The following NEDD4L variants were observed in gnomAD, a reference collection of about 807,000 sequenced individuals.
The protein encoded by NEDD4L is NEDD4 like E3 ubiquitin protein ligase.
A neutral mutation model predicts 148.9 loss-of-function variants in NEDD4L; 54 were observed. The ratio of observed to expected loss-of-function variants is 0.36; its 90% confidence interval spans 0.29 to 0.45. The LOEUF is 0.45. Ranked by LOEUF, NEDD4L falls within the 20% of genes least tolerant of loss-of-function variation. NEDD4L has a pLI of 1.00. For synonymous variants in NEDD4L, 433 were observed against 440.7 expected (o/e 0.98, Z 0.22); for missense variants, 856 against 1,233.8 (o/e 0.69, Z 4.59).
chr18:58,221,670 G>A (rs1425329536), intron 2 of NEDD4L: 2 of 985,376 alleles, frequency 2.0e-6, no homozygotes, highest in Non-Finnish European at 2.4e-6. Flanking sequence ...CAGGGAGCCG[G>A]AGGGTCACCA....
At chr18:58,135,116 AG>A in intron 1 of NEDD4L, among the ~76,000 whole-genome samples, 2 of 152,092 alleles carry the variant, frequency 1.3e-5, no homozygotes, top group Non-Finnish European at 2.9e-5. Flanking sequence ...CTTAAAGGCA[AG>A]GGCTGGCCGC....
chr18:58,288,387 T>G (rs73961559), intron 5 of NEDD4L, among the ~76,000 whole-genome samples: 61 of 152,318 alleles, frequency 4.0e-4, no homozygotes, highest in African/African-American at 1.4e-3. Flanking sequence ...AAAATAAAAT[T>G]CTAAAAGGAA....
chr18:58,192,405 C>G (rs1393559589), intron 2 of NEDD4L, among the ~76,000 whole-genome samples: 2 of 152,080 alleles, frequency 1.3e-5, no homozygotes, highest in Non-Finnish European at 2.9e-5. Context: ...GTTCCTTTTG[C>G]CTGTCTTGTG....
At chr18:58,077,648 A>G (rs1481116560) in intron 1 of NEDD4L, among the ~76,000 whole-genome samples, 1 of 152,116 alleles carries the variant, frequency 6.6e-6, no homozygotes, top group Admixed American at 6.6e-5. Context: ...TACTTTGAAA[A>G]GCTCCCAAGT....
chr18:58,139,727 A>G (rs2033276828), intron 1 of NEDD4L, among the ~76,000 whole-genome samples: 2 of 152,210 alleles, frequency 1.3e-5, no homozygotes, highest in Admixed American at 6.5e-5. Context: ...GCTGTGCCTG[A>G]GGAGCCTGAC....
At chr18:58,132,007 T>C (rs907038407) in intron 1 of NEDD4L, among the ~76,000 whole-genome samples, 3 of 152,210 alleles carry the variant, frequency 2.0e-5, no homozygotes, top group Non-Finnish European at 2.9e-5. Context: ...GTCCCCTTGC[T>C]CCTCTCTGCT....
chr18:58,137,821 G>A (rs2033019126), intron 1 of NEDD4L, among the ~76,000 whole-genome samples: 1 of 152,154 alleles, frequency 6.6e-6, no homozygotes, highest in African/African-American at 2.4e-5. Context: ...CTCTTGACAC[G>A]TAAGCTGGGT....
chr18:58,103,281 T>G (rs1291982150), intron 1 of NEDD4L, among the ~76,000 whole-genome samples: 3 of 147,664 alleles, frequency 2.0e-5, no homozygotes, highest in Non-Finnish European at 4.5e-5. Flanking sequence ...TAATTATATA[T>G]AATATATATA....
chr18:58,186,007 A>G (rs1285407266), intron 2 of NEDD4L, among the ~76,000 whole-genome samples: 1 of 151,712 alleles, frequency 6.6e-6, no homozygotes, highest in Non-Finnish European at 1.5e-5. Flanking sequence ...AGGATGCAAC[A>G]GATACATATG....
intron 5 of NEDD4L, among the ~76,000 whole-genome samples, chr18:58,280,152 T>C (rs1260093199): frequency 6.6e-6 from 1 of 152,126 alleles, no homozygotes; most frequent in East Asian, 1.9e-4. Flanking sequence ...AAGTGATCCT[T>C]CTGCCTCGGC....
intron 2 of NEDD4L, among the ~76,000 whole-genome samples, chr18:58,202,160 A>C (rs749094214): frequency 3.9e-5 from 6 of 152,198 alleles, no homozygotes; most frequent in Non-Finnish European, 7.3e-5. Context: ...TCAGGCCATA[A>C]ACCTTTCTTC....
chr18:58,220,996 A>G (rs2043699144), intron 2 of NEDD4L, among the ~76,000 whole-genome samples: 1 of 152,198 alleles, frequency 6.6e-6, no homozygotes, highest in Non-Finnish European at 1.5e-5. Context: ...TGCACAGTAC[A>G]GACTGCAGAT....
chr18:58,139,525 A>G (rs2146106201), intron 1 of NEDD4L, among the ~76,000 whole-genome samples: 2 of 152,362 alleles, frequency 1.3e-5, no homozygotes, highest in East Asian at 3.9e-4. Flanking sequence ...ATTTAAAATA[A>G]TGCGTGTTTG....
At chr18:58,222,375 G>A (rs989939267) in intron 2 of NEDD4L, among the ~76,000 whole-genome samples, 4 of 151,954 alleles carry the variant, frequency 2.6e-5, no homozygotes, top group African/African-American at 7.3e-5. Flanking sequence ...TCTCTTCCTC[G>A]GTATGAGTAA....
intron 3 of NEDD4L, among the ~76,000 whole-genome samples, chr18:58,246,988 A>G: frequency 6.6e-6 from 1 of 152,144 alleles, no homozygotes; most frequent in East Asian, 1.9e-4. Context: ...GCAGTGAGCC[A>G]TAATGATGCC....
chr18:58,392,598 C>T (rs1459036659), intron 30 of NEDD4L, among the ~76,000 whole-genome samples: 1 of 152,166 alleles, frequency 6.6e-6, no homozygotes, highest in Non-Finnish European at 1.5e-5. Flanking sequence ...TGGTCATTGC[C>T]TGTCAGAGCC....
intron 13 of NEDD4L, among the ~76,000 whole-genome samples, chr18:58,339,118 C>T (rs1173249857): frequency 6.6e-6 from 1 of 151,214 alleles, no homozygotes; most frequent in Non-Finnish European, 1.5e-5. Flanking sequence ...AGGGGCGGGG[C>T]CAGGGGGAGT....
At chr18:58,324,356 C>T (rs988259607) in intron 8 of NEDD4L, among the ~76,000 whole-genome samples, 3 of 152,176 alleles carry the variant, frequency 2.0e-5, no homozygotes, top group African/African-American at 7.2e-5. Flanking sequence ...TACCATGAAA[C>T]CCGTTGGTGT....
intron 1 of NEDD4L, among the ~76,000 whole-genome samples, chr18:58,090,280 G>A (rs2084000406): frequency 6.6e-6 from 1 of 152,238 alleles, no homozygotes; most frequent in African/African-American, 2.4e-5. Flanking sequence ...TAGGGACCCA[G>A]TAGGAGGTTT....
Sources: allele counts gnomAD v4.1 joint callset (sites outside exome capture counted in the v4.1 genomes callset), GRCh38; gene constraint gnomAD v4.1.1; transcripts MANE v1.5; gene names NCBI Gene and HGNC (gene_info 2026-07-23, HGNC 2026-07-21).